CRYL1: variants seen among roughly 807,000 people sequenced by gnomAD.
CRYL1 encodes crystallin lambda 1.
A neutral mutation model predicts 36.6 loss-of-function variants in CRYL1; 29 were observed. The observed-to-expected ratio is 0.79, with a 90% confidence interval of 0.59 to 1.08. The LOEUF is 1.08. CRYL1 is among the 50% of genes least tolerant of loss of function. The probability of loss-of-function intolerance (pLI) is 0.00; values close to 1 mark genes in which losing one functional copy is unlikely to be tolerated. For synonymous variants in CRYL1, 152 were observed against 151.5 expected, an observed-to-expected ratio of 1.00 and a Z score of -0.02; for missense variants, 411 against 407.9, an observed-to-expected ratio of 1.01 and a Z score of -0.06.
chr13:20,423,325 G>A (rs1408279969), intron 5 of CRYL1, among the ~76,000 whole-genome samples: 2 of 152,204 alleles, frequency 1.3e-5, no homozygotes, highest in Non-Finnish European at 2.9e-5. Flanking sequence ...GGTGAGAGTA[G>A]GCACCCTTGT....
intron 3 of CRYL1, among the ~76,000 whole-genome samples, chr13:20,453,538 T>C (rs745798292): frequency 5.3e-5 from 8 of 151,908 alleles, no homozygotes; most frequent in Non-Finnish European, 1.0e-4. Context: ...TATAGCATTA[T>C]ATATTTACAT....
At chr13:20,421,946 CTT>C (rs1290173874) in intron 5 of CRYL1, among the ~76,000 whole-genome samples, 1 of 152,094 alleles carries the variant, frequency 6.6e-6, no homozygotes, top group Non-Finnish European at 1.5e-5. Context: ...CAGTATCTCT[CTT>C]TTCAATAGGG....
At chr13:20,439,515 A>AAAAAAAAAAAAAAG in intron 4 of CRYL1, 78 bp downstream of exon 4, 1 of 48,336 alleles carries the variant, frequency 2.1e-5, no homozygotes, top group South Asian at 2.9e-4. Flanking sequence ...CCTCCCCCGC[A>AAAAAAAAAAAAAAG]AAAAAAAAAA....
At position 20,489,355 on chromosome 13, in the gene CRYL1, G is replaced by A. The variant is rs2033463088; in HGVS notation, c.276+15C>T. On this transcript the variant is annotated intron_variant, in intron 3 of 7. Coordinates refer to ENST00000298248, the MANE Select transcript of CRYL1 (RefSeq NM_015974.3). Reference sequence around the variant, plus strand: ...CTCAGGCCCCACAGATGCGGCGCCAGTGTCCTTCACTCACCTGAATGTGCA... The same window carrying A: ...CTCAGGCCCCACAGATGCGGCGCCAATGTCCTTCACTCACCTGAATGTGCA... 1.2e-6 allele frequency: 2 copies of A among 1,612,460 alleles called. No individual in the cohort carries two copies. Among genetic ancestry groups the A allele is most frequent in the African/African-American group, 1.3e-5 (1 of 74,928 alleles).
chr13:20,407,259 G>T (rs1230883261), intron 6 of CRYL1, among the ~76,000 whole-genome samples: 3 of 151,746 alleles, frequency 2.0e-5, no homozygotes, highest in Non-Finnish European at 4.4e-5. Flanking sequence ...CTGTGATGAA[G>T]TTTAGGCGCC....
chr13:20,475,974 C>G (rs1229332033), intron 3 of CRYL1, among the ~76,000 whole-genome samples: 1 of 152,208 alleles, frequency 6.6e-6, no homozygotes, highest in Non-Finnish European at 1.5e-5. Context: ...AGGCCACAGC[C>G]TCATCCTGGC....
intron 2 of CRYL1, 41 bp downstream of exon 2, chr13:20,512,402 G>T: frequency 7.2e-7 from 1 of 1,381,862 alleles, no homozygotes; most frequent in Non-Finnish European, 1.0e-6. Context: ...GAGAGAAACA[G>T]ACCCACTTCC....
At chr13:20,431,822 C>T in intron 5 of CRYL1, 4 of 1,365,282 alleles carry the variant, frequency 2.9e-6, no homozygotes, top group Non-Finnish European at 2.9e-6. Flanking sequence ...ATGTCTAATG[C>T]TATGAAAGGG....
chr13:20,413,358 G>T lies in CRYL1; in HGVS notation c.663C>A (p.Asp221Glu). 6.2e-7 allele frequency: 1 copy of T among 1,613,590 alleles called. No homozygotes were observed. ...TGCCCAACCCTTCTGACATGACAAG[G>T]TCCAGGTCACTAGGAGACACGATTC... is the stretch of plus-strand genomic sequence containing the variant. ...EEGIVSPSDL[D>E]LVMSEGLGMR... Residue 221 changes from aspartate (D) to glutamate (E), a missense_variant, in exon 6 of 8, where the codon GAC becomes GAA. Coordinates refer to ENST00000298248, the MANE Select transcript of CRYL1 (RefSeq NM_015974.3).
intron 3 of CRYL1, among the ~76,000 whole-genome samples, chr13:20,470,236 C>T (rs552863396): frequency 2.0e-5 from 3 of 152,326 alleles, no homozygotes; most frequent in South Asian, 2.1e-4. Context: ...GCCCCACTGC[C>T]GCGACTCAGG....
At chr13:20,524,671 G>A (rs1009217410) in intron 1 of CRYL1, among the ~76,000 whole-genome samples, 4 of 151,864 alleles carry the variant, frequency 2.6e-5, no homozygotes, top group African/African-American at 9.7e-5. Context: ...GCCACCGCGC[G>A]CGGCCCAAAG....
At chr13:20,411,483 GA>G (rs149305407) in intron 6 of CRYL1, among the ~76,000 whole-genome samples, 85 of 150,960 alleles carry the variant, frequency 5.6e-4, no homozygotes, top group African/African-American at 1.8e-3. Flanking sequence ...TTTTTCTCAA[GA>G]AAAAAAAGGG....
chr13:20,431,984 C>CT lies in CRYL1; in HGVS notation c.633+117dup, dbSNP rs768003825. ...GCAAGAAGAAGCAAGCAGCCTCTGA[C>CT]TTTCCCAGCTTCCAGGCTGCCCAAG... On this transcript the variant is annotated intron_variant, in intron 5 of 7. Coordinates refer to ENST00000298248, the MANE Select transcript of CRYL1 (RefSeq NM_015974.3). 274 of 1,569,278 alleles carry CT rather than the reference C, an allele frequency of 1.7e-4. 2 individuals are homozygous for CT. Among genetic ancestry groups the CT allele is most frequent in the South Asian group, 7.0e-4 (60 of 86,286 alleles).
At chr13:20,446,073 C>T (rs896553147) in intron 3 of CRYL1, among the ~76,000 whole-genome samples, 5 of 152,098 alleles carry the variant, frequency 3.3e-5, no homozygotes, top group Non-Finnish European at 5.9e-5. Context: ...TATTTTAAAA[C>T]CCAAAATAGT....
At chr13:20,472,503 T>C (rs994146536) in intron 3 of CRYL1, among the ~76,000 whole-genome samples, 4 of 151,876 alleles carry the variant, frequency 2.6e-5, no homozygotes, top group African/African-American at 9.7e-5. Flanking sequence ...CCTTAGGGGG[T>C]GGTTTCTAAT....
intron 6 of CRYL1, among the ~76,000 whole-genome samples, chr13:20,411,128 A>G (rs1195353162): frequency 6.6e-6 from 1 of 152,226 alleles, no homozygotes; most frequent in Non-Finnish European, 1.5e-5. Context: ...TCAGAAAAGA[A>G]GAAAAATTCT....
intron 5 of CRYL1, among the ~76,000 whole-genome samples, chr13:20,426,209 G>T (rs1282294789): frequency 2.6e-5 from 4 of 151,356 alleles, no homozygotes; most frequent in Non-Finnish European, 5.9e-5. Context: ...CATCCTCTGT[G>T]CAGTTACAAC....
intron 3 of CRYL1, among the ~76,000 whole-genome samples, chr13:20,445,897 T>G (rs965644452): frequency 3.9e-5 from 6 of 152,266 alleles, no homozygotes; most frequent in Admixed American, 2.6e-4. Flanking sequence ...GTGTGGATAT[T>G]ATTAACCAGC....
intron 3 of CRYL1, among the ~76,000 whole-genome samples, chr13:20,457,280 C>A (rs936048656): frequency 6.6e-6 from 1 of 152,116 alleles, no homozygotes; most frequent in Non-Finnish European, 1.5e-5. Flanking sequence ...AGAAGTTAAT[C>A]CCTTATTACC....
Sources: gnomAD v4.1 joint callset for allele counts (sites outside exome capture counted in the v4.1 genomes callset) on GRCh38, gnomAD v4.1.1 for gene constraint, MANE v1.5 for transcripts, NCBI Gene and HGNC (gene_info 2026-07-23, HGNC 2026-07-21) for gene names.